Variants in GYG2 observed in about 807,000 individuals in gnomAD.
GYG2 encodes glycogenin 2.
GYG2 carries 29 observed loss-of-function variants against 29.4 expected under a neutral mutation model. The observed-to-expected ratio is 0.99, with a 90% CI of 0.74 to 1.35. GYG2 has a LOEUF of 1.35. Ranked by LOEUF, GYG2 falls within the 40% of genes most tolerant of loss-of-function variation. The pLI is 0.00. For missense variants in GYG2, 370 were observed against 385.7 expected, an observed-to-expected ratio of 0.96 and a Z score of 0.34; for synonymous variants, 167 against 172.3, an observed-to-expected ratio of 0.97 and a Z score of 0.24.
chrX:2,841,452 T>C (rs758922064), intron 2 of GYG2, among the ~76,000 whole-genome samples: 7 of 111,316 alleles, frequency 6.3e-5, no homozygotes, highest in African/African-American at 2.3e-4. Flanking sequence ...GGATGGATGA[T>C]GGGTAGATGG....
rs72040277 is a variant in GYG2 at position 2,844,783 on chromosome X, CATAT to C, written c.149+1437_149+1440del. On this transcript the variant is annotated intron_variant, in intron 3 of 10. Transcript: ENST00000398806. Reference sequence around the variant, plus strand: ...ACGTATGTGTATATGTACACGTATGCATATATATATACATGTATGTGTATATATT... The same window carrying C: ...ACGTATGTGTATATGTACACGTATGCATATATACATGTATGTGTATATATT... 6.5e-4 allele frequency among the ~76,000 whole-genome samples: 5 copies of C among 7,663 alleles called. 2 individuals carry two copies. Among genetic ancestry groups the C allele is most frequent in the Admixed American group, 4.2e-3 (2 of 471 alleles). The allele number at this position is 7,663 out of a possible 115,157, so 6.7% of individuals were successfully genotyped here.
chrX:2,837,266 G>A, intron 2 of GYG2, among the ~76,000 whole-genome samples: 1 of 112,101 alleles, frequency 8.9e-6, no homozygotes, highest in Non-Finnish European at 1.9e-5. Flanking sequence ...CTCCTTAAGA[G>A]CGCAGGTCAG....
chrX:2,841,131 TGATA>T (rs761370782), intron 2 of GYG2, among the ~76,000 whole-genome samples: 20 of 107,227 alleles, frequency 1.9e-4, no homozygotes, highest in African/African-American at 3.4e-4. Flanking sequence ...GATAGATAGA[TGATA>T]GATGGATGGA....
At chrX:2,863,572 G>A (rs756524850) in intron 8 of GYG2, among the ~76,000 whole-genome samples, 29 of 112,333 alleles carry the variant, frequency 2.6e-4, no homozygotes, top group Middle Eastern at 9.2e-3. Flanking sequence ...CATTGCTCTG[G>A]AAGACACCAC....
intron 8 of GYG2, among the ~76,000 whole-genome samples, chrX:2,872,295 G>T (rs1455639072): frequency 8.9e-6 from 1 of 112,471 alleles, no homozygotes; most frequent in Non-Finnish European, 1.9e-5. Context: ...TGCCAAAAAT[G>T]TTCTTAAGAG....
intron 7 of GYG2, among the ~76,000 whole-genome samples, chrX:2,861,211 G>C (rs2088155809): frequency 9.0e-6 from 1 of 111,264 alleles, no homozygotes; most frequent in Non-Finnish European, 1.9e-5. Flanking sequence ...ACTAGCAATG[G>C]ACGTTTATTT....
intron 6 of GYG2, among the ~76,000 whole-genome samples, chrX:2,856,963 TTATCTATC>T (rs71989016): frequency 0.12 from 7,663 of 63,485 alleles, 280 homozygotes; most frequent in South Asian, 0.16. Flanking sequence ...AGACATCTGT[TTATCTATC>T]TATCTATCTA....
At chrX:2,855,262 A>G in intron 5 of GYG2, 107 bp downstream of exon 5, 1 of 670,094 alleles carries the variant, frequency 1.5e-6, no homozygotes, top group Non-Finnish European at 2.3e-6. Flanking sequence ...TCGCTCAGCG[A>G]CAGGGATGCG....
At chrX:2,839,496 T>A (rs1158663603) in intron 2 of GYG2, among the ~76,000 whole-genome samples, 1 of 111,546 alleles carries the variant, frequency 9.0e-6, no homozygotes, top group Non-Finnish European at 1.9e-5. Context: ...GAAAACATCA[T>A]GCTGATGGAA....
At position 2,842,914 on chromosome X, in the gene GYG2, A is replaced by G. The variant is rs2087535910; in HGVS notation, c.8-299A>G. ...ACTGCAGCCTCAAACTCCCAGGCTC[A>G]AGTATCCTCCCACCTCAGCCTCTCC... On this transcript the variant is annotated intron_variant, in intron 2 of 10. Coordinates refer to ENST00000398806, the MANE Select transcript of GYG2 (RefSeq NM_001079855.2). 15 of 323,509 alleles carry G rather than the reference A, an allele frequency of 4.6e-5. No homozygotes were observed. The South Asian group carries it at 5.0e-4, about 11-fold the overall frequency. The allele number at this position is 323,509 out of a possible 1,213,427, so 26.7% of individuals were successfully genotyped here.
At chrX:2,868,959 T>C (rs771990306) in intron 8 of GYG2, among the ~76,000 whole-genome samples, 36 of 110,633 alleles carry the variant, frequency 3.3e-4, no homozygotes, top group Admixed American at 8.7e-4. Flanking sequence ...AAATTTGAGC[T>C]GTTTTGTATA....
At chrX:2,849,500 T>C (rs2087820591) in intron 3 of GYG2, among the ~76,000 whole-genome samples, 1 of 111,958 alleles carries the variant, frequency 8.9e-6, no homozygotes, top group South Asian at 3.7e-4. Flanking sequence ...AGACAAAGTT[T>C]AGATTGAAAG....
Position 2,835,781 on chromosome X carries a change from G to T in GYG2, c.7+5586G>T, listed in dbSNP as rs187181489. 2.8e-3 allele frequency among the ~76,000 whole-genome samples: 315 copies of T among 111,044 alleles called. 4 individuals are homozygous for T. The highest frequency in any genetic ancestry group is 9.9e-3 in the African/African-American group (304 of 30,615). Reference sequence around the variant, plus strand: ...ATGTGTGTTGTTTAAGTCTCCCAGCGTGTGGTACTTTCTCACAGCAGCCCC... The same window carrying T: ...ATGTGTGTTGTTTAAGTCTCCCAGCTTGTGGTACTTTCTCACAGCAGCCCC... On this transcript the variant is annotated intron_variant, in intron 2 of 10. Coordinates refer to ENST00000398806, the MANE Select transcript of GYG2 (RefSeq NM_001079855.2).
chrX:2,857,526 C>G (rs2088046340), intron 6 of GYG2, among the ~76,000 whole-genome samples: 1 of 110,268 alleles, frequency 9.1e-6, no homozygotes, highest in South Asian at 3.9e-4. Flanking sequence ...ATCTATATAT[C>G]TCTCTATGTA....
intron 8 of GYG2, among the ~76,000 whole-genome samples, chrX:2,873,512 T>TCTC (rs757625200): frequency 9.1e-6 from 1 of 110,230 alleles, no homozygotes; most frequent in Non-Finnish European, 1.9e-5. Context: ...AATGCTGTTT[T>TCTC]CTCCTCCTCC....
chrX:2,860,489 TATA>T (rs1324644354), intron 7 of GYG2, among the ~76,000 whole-genome samples: 1 of 110,626 alleles, frequency 9.0e-6, no homozygotes, highest in African/African-American at 3.3e-5. Context: ...TTGCAAAGAA[TATA>T]ATGACAGCCC....
At chrX:2,844,704 A>G (rs1220098941) in intron 3 of GYG2, among the ~76,000 whole-genome samples, 1 of 76,454 alleles carries the variant, frequency 1.3e-5, no homozygotes, top group Non-Finnish European at 2.4e-5. Flanking sequence ...GTGTATACGC[A>G]CACGCATGCG....
intron 9 of GYG2, 32 bp from the exon 10 acceptor site, chrX:2,877,168 C>T (rs371926470): frequency 1.8e-5 from 22 of 1,200,018 alleles, no homozygotes; most frequent in South Asian, 8.9e-5. Context: ...TGCAGCCCAC[C>T]GCAGACTAAT....
In GYG2 at chrX:2,843,236, C is replaced by G. The variant is rs1057524007; in HGVS notation, c.31C>G (p.Leu11Val). 5 of 1,205,311 alleles carry G rather than the reference C, an allele frequency of 4.1e-6. No homozygotes were observed. The highest frequency in any genetic ancestry group is 4.5e-6 in the Non-Finnish European group (4 of 889,685). MSVTDQAFVT[L>V]ATNDIYCQGA... is the part of the protein sequence containing the mutation. ...AGTGACTGATCAGGCTTTTGTCACACTAGCCACCAATGACATCTACTGCCA... is the reference window on the plus strand; with the variant it reads ...AGTGACTGATCAGGCTTTTGTCACAGTAGCCACCAATGACATCTACTGCCA... Residue 11 changes from leucine (L) to valine (V), a missense_variant, in exon 3 of 11, where the codon CTA (leucine) becomes GTA (valine). Transcript: ENST00000398806.
Sources: gnomAD v4.1 joint callset for allele counts (sites outside exome capture counted in the v4.1 genomes callset) on GRCh38, gnomAD v4.1.1 for gene constraint, MANE v1.5 for transcripts, NCBI Gene and HGNC (gene_info 2026-07-23, HGNC 2026-07-21) for gene names.